The following SLC44A2 variants were observed in gnomAD, a reference collection of about 807,000 sequenced individuals.
SLC44A2 encodes solute carrier family 44 member 2 (CTL2 blood group), also known as choline transporter-like protein 2.
SLC44A2 carries 57 observed loss-of-function variants against 90.8 expected under a neutral mutation model. The observed-to-expected ratio is 0.63, with a 90% CI of 0.51 to 0.78. SLC44A2 has a LOEUF of 0.78. SLC44A2 is among the 30% of genes least tolerant of loss of function. The pLI is 0.00. For missense variants in SLC44A2, 794 were observed against 919.7 expected (o/e 0.86, Z 1.77); for synonymous variants, 355 against 360.7 (o/e 0.98, Z 0.18).
In SLC44A2 at chr19:10,643,532, A is replaced by T. The variant is rs1028455572; in HGVS notation, c.*147A>T. On this transcript the variant is annotated 3_prime_UTR_variant, in exon 22 of 22. Transcript: ENST00000335757. ...TGAGCCAGATCCCACCAGTTTCTGG[A>T]CGTGGAGAGTCTGGGGCATCTCCTT... is the stretch of plus-strand genomic sequence containing the variant. 4.2e-6 allele frequency: 4 copies of T among 958,776 alleles called. No homozygotes were observed. Among genetic ancestry groups the T allele is most frequent in the Non-Finnish European group, 6.0e-6 (4 of 670,740 alleles). 59.4% of individuals were successfully genotyped at this position (958,776 alleles called of 1,614,324 possible).
chr19:10,627,763 C>T lies in SLC44A2; in HGVS notation c.128C>T (p.Ala43Val). ...DIICCVFLLLAIVGYVAVGII... is the reference protein window; with the variant it reads ...DIICCVFLLLVIVGYVAVGII... Reference sequence around the variant, plus strand: ...ATATGCTGTGTGTTCCTGCTCCTGGCCATTGTGGGCTACGTGGCTGTAGGC... The same window carrying T: ...ATATGCTGTGTGTTCCTGCTCCTGGTCATTGTGGGCTACGTGGCTGTAGGC... The change falls in exon 3 of 22, where the codon GCC becomes GTC. Residue 43 changes from alanine to valine, a missense_variant. Ala to Val is a moderately conservative substitution (Grantham distance 64). Around this residue, in one of 3 missense-constraint regions of SLC44A2, gnomAD observed 738 missense variants for 841.1 expected, o/e 0.88. Transcript: ENST00000335757. The T allele has an allele frequency of 6.2e-7, 1 of 1,613,944 alleles. No homozygotes were observed. Among genetic ancestry groups the T allele is most frequent in the Non-Finnish European group, 8.5e-7 (1 of 1,180,012 alleles).
upstream of SLC44A2, among the ~76,000 whole-genome samples, chr19:10,624,106 T>C (rs1192954526): frequency 6.6e-6 from 1 of 152,098 alleles, no homozygotes; most frequent in Non-Finnish European, 1.5e-5. Context: ...GAAGTGATTC[T>C]CCTGCCTCAG....
chr19:10,635,627 T>TCCTGTGCTAGGTGTGGGGGAGGACG (rs2067046057), intron 14 of SLC44A2, 112 bp downstream of exon 14: 1 of 960,982 alleles, frequency 1.0e-6, no homozygotes, highest in East Asian at 2.4e-5. Context: ...CTGTTGCATG[T>TCCTGTGCTAGGTGTGGGGGAGGACG]CCTGTGCTAG....
At chr19:10,640,252 G>A (rs1021490715) in intron 20 of SLC44A2, among the ~76,000 whole-genome samples, 7 of 151,860 alleles carry the variant, frequency 4.6e-5, no homozygotes, top group Admixed American at 2.0e-4. Context: ...CACTGTGCCC[G>A]GCTAATTTTT....
rs373632622 is a variant in SLC44A2 at position 10,632,027 on chromosome 19, C to A, written c.711-17C>A. 3 of 1,613,826 alleles carry A rather than the reference C, an allele frequency of 1.9e-6. No individual in the cohort carries two copies. The highest frequency in any genetic ancestry group is 2.5e-6 in the Non-Finnish European group (3 of 1,179,722). ...GCTGAGGGTGGAGTCTGTTCATGAC[C>A]GTTTTCTTTTCCCCAGAGGCCTGGT... On this transcript the variant is annotated splice_polypyrimidine_tract_variant and intron_variant, in intron 9 of 21. Transcript: ENST00000335757.
chr19:10,634,388 C>T (rs1260024074), intron 10 of SLC44A2, among the ~76,000 whole-genome samples: 1 of 150,598 alleles, frequency 6.6e-6, no homozygotes, highest in Non-Finnish European at 1.5e-5. Context: ...CGCTTGAACC[C>T]GTGAAGTGGA....
At chr19:10,631,211 C>G in intron 5 of SLC44A2, 64 bp from the exon 6 acceptor site, 1 of 1,602,688 alleles carries the variant, frequency 6.2e-7, no homozygotes, top group South Asian at 1.1e-5. Flanking sequence ...TGAATGTGGG[C>G]TGCGACCTCA....
Position 10,636,470 on chromosome 19 carries a change from C to T in SLC44A2, c.1381C>T (p.Leu461=), listed in dbSNP as rs1376915090. 1.2e-6 allele frequency: 2 copies of T among 1,613,744 alleles called. No individual in the cohort carries two copies. Among genetic ancestry groups the T allele is most frequent in the Non-Finnish European group, 8.5e-7 (1 of 1,180,030 alleles). The change falls in exon 15 of 22, where the codon CTG becomes TTG. Residue 461 remains leucine (L), a synonymous_variant. Coordinates refer to ENST00000335757, the MANE Select transcript of SLC44A2 (RefSeq NM_020428.4). ...FMFFWLANFV[L]ALGQVTLAGA... is the part of the protein sequence containing the mutation. ...GTTCTTCTGGTTGGCCAACTTCGTG[C>T]TGGCGCTGGGCCAGGTCACGCTGGC...
intron 20 of SLC44A2, chr19:10,641,047 A>T (rs1465925568): frequency 4.7e-6 from 2 of 423,626 alleles, no homozygotes; most frequent in African/African-American, 4.2e-5. Flanking sequence ...AGGTCCCACC[A>T]CTGCACTCCA....
chr19:10,604,439 T>A (rs1599564382), intron 1 of SLC44A2, among the ~76,000 whole-genome samples: 1 of 152,192 alleles, frequency 6.6e-6, no homozygotes. Context: ...TTCCTTCACA[T>A]CAGAACCAAA....
rs1041868118 is a variant in SLC44A2 at position 10,644,507 on chromosome 19, C to T, written c.*1122C>T. The T allele has an allele frequency of 6.5e-6, 1 of 152,684 alleles. No individual in the cohort carries two copies. The highest frequency in any genetic ancestry group is 2.4e-5 in the African/African-American group (1 of 41,458). 9.5% of individuals were successfully genotyped at this position (152,684 alleles called of 1,614,324 possible). A position where few individuals can be genotyped will look rare whatever the true frequency, so the allele number is the denominator to read the frequency against. ...CCTGCCCCCATTGCGTCTGCACACC[C>T]CTGCGTGTAACTGCATTCCAACCAC... On this transcript the variant is annotated 3_prime_UTR_variant, in exon 22 of 22. Coordinates refer to ENST00000335757, the MANE Select transcript of SLC44A2 (RefSeq NM_020428.4).
intron 16 of SLC44A2, 35 bp downstream of exon 16, chr19:10,636,791 T>C (rs1182907788): frequency 6.3e-7 from 1 of 1,594,912 alleles, no homozygotes; most frequent in Non-Finnish European, 8.5e-7. Flanking sequence ...TAGCTCCTGT[T>C]GCGGGGCGAG....
chr19:10,642,234 G>A, intron 20 of SLC44A2, 133 bp from the exon 21 acceptor site: 3 of 703,066 alleles, frequency 4.3e-6, no homozygotes, highest in Admixed American at 2.1e-5. Context: ...GGGGTGAGGG[G>A]TTGGGATGTC....
chr19:10,621,422 G>GTTTTTTTTTTT (rs34643212), upstream of SLC44A2, among the ~76,000 whole-genome samples: 48 of 89,418 alleles, frequency 5.4e-4, no homozygotes, highest in African/African-American at 8.2e-4. Context: ...ATGGTTGGGT[G>GTTTTTTTTTTT]TTTTTTTTTT....
intron 8 of SLC44A2, 58 bp downstream of exon 8, chr19:10,631,807 C>T: frequency 6.2e-7 from 1 of 1,614,040 alleles, no homozygotes; most frequent in East Asian, 2.2e-5. Context: ...ACAGGCAATC[C>T]CCTGTGGTTG....
intron 17 of SLC44A2, 52 bp from the exon 18 acceptor site, chr19:10,637,804 A>G: frequency 6.2e-6 from 10 of 1,611,966 alleles, no homozygotes; most frequent in South Asian, 5.5e-5. Flanking sequence ...TGAGAGGACC[A>G]CCCCCCATGC....
rs566599032 is a variant in SLC44A2 at position 10,618,636 on chromosome 19, C to A, written c.32-7617C>A. Among the ~76,000 whole-genome samples, 200 of 151,920 alleles carry A rather than the reference C, an allele frequency of 1.3e-3. 1 individual carries two copies. Among genetic ancestry groups the A allele is most frequent in the Admixed American group, 4.5e-3 (68 of 15,218 alleles). ...CTGAGACTACAGGTGTCTGCCACCACGCCCGGCTAATTTTTTGTATTTTTA... is the reference window on the plus strand; with the variant it reads ...CTGAGACTACAGGTGTCTGCCACCAAGCCCGGCTAATTTTTTGTATTTTTA... On this transcript the variant is annotated intron_variant, in intron 1 of 21. Coordinates refer to the SLC44A2 transcript ENST00000407327.
rs757987060 is a variant in SLC44A2 at position 10,632,080 on chromosome 19, C to T, written c.747C>T (p.Phe249=). Residue 249 remains phenylalanine, a synonymous_variant, in exon 10 of 22, where the codon TTC becomes TTT. Coordinates refer to ENST00000335757, the MANE Select transcript of SLC44A2 (RefSeq NM_020428.4). ...TTGCCATGGCGATGAGCCTCCTGTT[C>T]ATCATCCTGCTTCGCTTCCTGGCTG... ...LVIAMAMSLL[F]IILLRFLAGI... 24 of 1,614,148 alleles carry T rather than the reference C, an allele frequency of 1.5e-5. No individual in the cohort carries two copies. The South Asian group carries it at 2.5e-4, about 17-fold the overall frequency.
intron 5 of SLC44A2, 44 bp downstream of exon 5, chr19:10,631,185 C>T (rs1416846946): frequency 6.2e-7 from 1 of 1,606,622 alleles, no homozygotes; most frequent in South Asian, 1.1e-5. Flanking sequence ...CCCCGCTTCC[C>T]ATCCTTTTCC....
Sources: gnomAD v4.1 joint callset for allele counts (sites outside exome capture counted in the v4.1 genomes callset) on GRCh38, gnomAD v4.1.1 for gene constraint, gnomAD v4.1.1 regional missense constraint, MANE v1.5 for transcripts, NCBI Gene and HGNC (gene_info 2026-07-23, HGNC 2026-07-21) for gene names.